The following FBXL20 variants were observed in gnomAD, a reference collection of about 807,000 sequenced individuals.
FBXL20 encodes F-box/LRR-repeat protein 20.
Under a neutral mutation model 64.0 loss-of-function variants are expected in FBXL20, and 11 were observed. That is an observed-to-expected ratio of 0.17 (90% CI 0.11 to 0.28). FBXL20 has a LOEUF of 0.28. Among genes scored for constraint, FBXL20 ranks in the 10% least tolerant of loss-of-function variants. The pLI is 1.00. For missense variants in FBXL20, 303 were observed against 526.2 expected (o/e 0.58, Z 4.15); for synonymous variants, 184 against 189.0 (o/e 0.97, Z 0.22).
At chr17:39,298,542 G>C (rs1386030577) in intron 5 of FBXL20, among the ~76,000 whole-genome samples, 1 of 152,048 alleles carries the variant, frequency 6.6e-6, no homozygotes, top group Non-Finnish European at 1.5e-5. Context: ...AACAAAATGA[G>C]ACCCTGACTC....
At chr17:39,362,710 G>A (rs984622543) in intron 1 of FBXL20, among the ~76,000 whole-genome samples, 3 of 145,730 alleles carry the variant, frequency 2.1e-5, no homozygotes, top group African/African-American at 5.1e-5. Flanking sequence ...CCTTCATCTC[G>A]GGTTCAAGTG....
rs1597754389 is a variant in FBXL20 at position 39,258,178 on chromosome 17, A to G, written c.*3282T>C. 1 of 152,208 alleles carries G rather than the reference A, an allele frequency of 6.6e-6. No homozygotes were observed. The highest frequency in any genetic ancestry group is 1.5e-5 in the Non-Finnish European group (1 of 68,040). 9.4% of individuals were successfully genotyped at this position (152,208 alleles called of 1,614,324 possible). On this transcript the variant is annotated 3_prime_UTR_variant, in exon 15 of 15. Coordinates refer to ENST00000264658, the MANE Select transcript of FBXL20 (RefSeq NM_032875.3). ...GCTATGAGGTTAGACAAACAGATCA[A>G]TTAGCTTTTCCTGTAAAGAATTTTT...
chr17:39,333,802 G>A (rs1026853086), intron 2 of FBXL20, among the ~76,000 whole-genome samples: 4 of 151,132 alleles, frequency 2.6e-5, no homozygotes, highest in South Asian at 2.1e-4. Context: ...CCGCGACCCC[G>A]TCTGGGAACT....
intron 12 of FBXL20, among the ~76,000 whole-genome samples, chr17:39,266,846 A>G (rs1469206262): frequency 6.6e-6 from 1 of 152,212 alleles, no homozygotes; most frequent in Non-Finnish European, 1.5e-5. Context: ...TTATTTTTTA[A>G]ATGAATCAAA....
intron 10 of FBXL20, among the ~76,000 whole-genome samples, chr17:39,273,401 T>C (rs1323321090): frequency 6.6e-6 from 1 of 152,198 alleles, no homozygotes; most frequent in Non-Finnish European, 1.5e-5. Flanking sequence ...CAATGATTAT[T>C]ATATGTAAGA....
chr17:39,269,718 G>A (rs1023538595), intron 11 of FBXL20, among the ~76,000 whole-genome samples: 5 of 149,914 alleles, frequency 3.3e-5, no homozygotes, highest in Admixed American at 3.3e-4. Flanking sequence ...GGCTGATCTC[G>A]AACTCCTGAC....
intron 2 of FBXL20, among the ~76,000 whole-genome samples, chr17:39,321,061 T>C (rs2047351280): frequency 6.6e-6 from 1 of 152,218 alleles, no homozygotes; most frequent in Non-Finnish European, 1.5e-5. Flanking sequence ...CTTGGTTGCC[T>C]ATAAAACAAT....
intron 1 of FBXL20, among the ~76,000 whole-genome samples, chr17:39,345,761 A>G (rs1164278130): frequency 2.6e-5 from 4 of 152,076 alleles, no homozygotes; most frequent in Non-Finnish European, 5.9e-5. Flanking sequence ...GGCTGGTCTC[A>G]AACTCCTGAG....
intron 1 of FBXL20, among the ~76,000 whole-genome samples, chr17:39,375,187 CGAG>C (rs1397129020): frequency 1.3e-5 from 2 of 152,030 alleles, no homozygotes; most frequent in African/African-American, 4.8e-5. Context: ...AAAAAAGTGA[CGAG>C]GAGAAGACAT....
chr17:39,337,384 T>C (rs1200684460), intron 2 of FBXL20, among the ~76,000 whole-genome samples: 3 of 152,192 alleles, frequency 2.0e-5, no homozygotes, highest in Non-Finnish European at 4.4e-5. Context: ...AGTGCCGAGA[T>C]TGCAGCCTCT....
intron 1 of FBXL20, among the ~76,000 whole-genome samples, chr17:39,362,925 C>G (rs1464824155): frequency 6.7e-6 from 1 of 148,966 alleles, no homozygotes. Flanking sequence ...GCCTAGTAAA[C>G]TTTTCTTAAT....
chr17:39,401,893 G>C (rs1320462943), upstream of FBXL20: 1 of 403,264 alleles, frequency 2.5e-6, no homozygotes, highest in Admixed American at 4.8e-5. Flanking sequence ...AGGCAGGGAA[G>C]TGCCTGTGCG....
rs796545716 is a variant in FBXL20 at position 39,320,529 on chromosome 17, AG to A, written c.105-16891del. Among the ~76,000 whole-genome samples the A allele has an allele frequency of 7.9e-5, 12 of 152,212 alleles. 1 individual carries two copies. In the South Asian group the frequency reaches 1.9e-3, roughly 24 times the overall value. ...CTTTTGAATATAACTTGTATTATAC[AG>A]ATGGAAATATTAAAGCTTAGACTGA... On this transcript the variant is annotated intron_variant, in intron 2 of 14. Coordinates refer to ENST00000264658, the MANE Select transcript of FBXL20 (RefSeq NM_032875.3).
chr17:39,283,357 G>A (rs1394559644), intron 7 of FBXL20, among the ~76,000 whole-genome samples: 1 of 152,148 alleles, frequency 6.6e-6, no homozygotes, highest in African/African-American at 2.4e-5. Context: ...AAAATCTGAA[G>A]TGCCCCAGTG....
chr17:39,332,908 C>A (rs916624098), intron 2 of FBXL20, among the ~76,000 whole-genome samples: 1 of 152,150 alleles, frequency 6.6e-6, no homozygotes, highest in South Asian at 2.1e-4. Flanking sequence ...GATCCTCCTG[C>A]ACATCACCAT....
intron 10 of FBXL20, among the ~76,000 whole-genome samples, chr17:39,271,713 T>G (rs2046845807): frequency 6.6e-6 from 1 of 151,510 alleles, no homozygotes; most frequent in South Asian, 2.1e-4. Flanking sequence ...CAGGCTCCCA[T>G]GGAGGCCCAG....
At chr17:39,384,171 C>T (rs1450191759) in intron 1 of FBXL20, among the ~76,000 whole-genome samples, 1 of 152,040 alleles carries the variant, frequency 6.6e-6, no homozygotes, top group Non-Finnish European at 1.5e-5. Flanking sequence ...GAAGTCAAGG[C>T]TGCAGTGAGC....
At chr17:39,325,288 A>G (rs553959136) in intron 2 of FBXL20, among the ~76,000 whole-genome samples, 190 of 152,318 alleles carry the variant, frequency 1.2e-3, no homozygotes, top group African/African-American at 4.4e-3. Flanking sequence ...GGTAGAAAGA[A>G]GGTTGGAGTG....
At chr17:39,388,976 C>T (rs943197091) in intron 1 of FBXL20, among the ~76,000 whole-genome samples, 2 of 150,202 alleles carry the variant, frequency 1.3e-5, no homozygotes, top group Non-Finnish European at 3.0e-5. Flanking sequence ...TGGTGGCAGG[C>T]GCCTATAATC....
Sources: gnomAD v4.1 joint callset for allele counts (sites outside exome capture counted in the v4.1 genomes callset) on GRCh38, gnomAD v4.1.1 for gene constraint, MANE v1.5 for transcripts, NCBI Gene and HGNC (gene_info 2026-07-23, HGNC 2026-07-21) for gene names.